Variants in CCDC180 observed in about 807,000 individuals in gnomAD.
CCDC180 encodes the protein coiled-coil domain containing 180.
Under a neutral mutation model 209.2 loss-of-function variants are expected in CCDC180, and 154 were observed. The ratio of observed to expected loss-of-function variants is 0.74; its 90% CI spans 0.65 to 0.84. CCDC180 has a LOEUF of 0.84. Among genes scored for constraint, CCDC180 ranks in the 40% least tolerant of loss-of-function variants. The pLI is 0.00. For missense variants in CCDC180, 1,874 were observed against 1,997.3 expected (o/e 0.94, Z 1.18); for synonymous variants, 778 against 749.1 (o/e 1.04, Z -0.63).
At chr9:97,307,517 C>T (rs1486681448), upstream of CCDC180, 2 of 608,404 alleles carry the variant, frequency 3.3e-6, no homozygotes, top group Non-Finnish European at 5.9e-6. Flanking sequence ...CTTCTCAGCA[C>T]ACAGTAGGCG....
At chr9:97,340,778 A>G (rs1826054292) in intron 18 of CCDC180, among the ~76,000 whole-genome samples, 1 of 152,304 alleles carries the variant, frequency 6.6e-6, no homozygotes, top group South Asian at 2.1e-4. Flanking sequence ...AACACCCGCT[A>G]CTTAGCAGAC....
intron 24 of CCDC180, among the ~76,000 whole-genome samples, chr9:97,357,240 G>C (rs1826609293): frequency 6.6e-6 from 1 of 151,084 alleles, no homozygotes; most frequent in African/African-American, 2.4e-5. Flanking sequence ...TGCACTGCTG[G>C]AGCAGAGCCT....
At chr9:97,350,622 C>T in intron 22 of CCDC180, 67 bp downstream of exon 22, 1 of 1,472,748 alleles carries the variant, frequency 6.8e-7, no homozygotes, top group East Asian at 2.5e-5. Context: ...GGTCTTGTTT[C>T]CCCCTTAATT....
chr9:97,314,859 C>G lies in CCDC180; in HGVS notation c.708C>G (p.Ser236Arg), dbSNP rs774570090. The stretch of plus-strand genomic sequence containing the variant: ...TGCCTTGTCATTTCTAGCTAAAAAG[C>G]GTGTTGAAGAAATATGCAGAAGTCA... ...LEFSRTDKLK[S>R]VLKKYAEVIE... The change falls in exon 8 of 37, where the codon AGC becomes AGG. Residue 236 changes from serine (S) to arginine (R), a missense_variant. By Grantham distance (110) the Ser-to-Arg change is moderately radical. Coordinates refer to ENST00000529487, the MANE Select transcript of CCDC180 (RefSeq NM_020893.6). 2 of 1,613,408 alleles carry G rather than the reference C, an allele frequency of 1.2e-6. No individual in the cohort carries two copies. Among genetic ancestry groups the G allele is most frequent in the Non-Finnish European group, 1.7e-6 (2 of 1,179,416 alleles).
Position 97,308,011 on chromosome 9 carries a change from A to G in CCDC180, c.-53A>G, listed in dbSNP as rs1268903169. ...TTGGAATTGAGACACCAAAGCCTAG[A>G]CGCGTTTCCTGGACGACGGCTTCCC... On this transcript the variant is annotated 5_prime_UTR_variant, in exon 2 of 37. Transcript: ENST00000529487. 8 of 1,609,076 alleles carry G rather than the reference A, an allele frequency of 5.0e-6. No homozygotes were observed. The highest frequency in any genetic ancestry group is 4.4e-5 in the South Asian group (4 of 90,088).
chr9:97,364,323 C>G (rs1826858520), intron 29 of CCDC180, 195 bp downstream of exon 29: 1 of 528,824 alleles, frequency 1.9e-6, no homozygotes, highest in Admixed American at 4.0e-5. Context: ...GAAACATTTT[C>G]ATCAACATTT....
chr9:97,363,948 C>A (rs1293794173), intron 28 of CCDC180, 103 bp from the exon 29 acceptor site: 2 of 1,111,430 alleles, frequency 1.8e-6, no homozygotes, highest in South Asian at 1.3e-5. Flanking sequence ...TGCCCACGGG[C>A]AGGCCCAATG....
intron 26 of CCDC180, 46 bp from the exon 27 acceptor site, chr9:97,361,680 C>T (rs376155582): frequency 1.9e-6 from 3 of 1,596,648 alleles, no homozygotes; most frequent in African/African-American, 1.3e-5. Flanking sequence ...CTCGCTGGCA[C>T]CTGGGCTGGT....
chr9:97,324,209 G>A (rs143551176), intron 13 of CCDC180, among the ~76,000 whole-genome samples: 12 of 152,240 alleles, frequency 7.9e-5, no homozygotes, highest in South Asian at 2.1e-4. Flanking sequence ...CCCAAGACAC[G>A]TGTTATCTTG....
In CCDC180 at chr9:97,350,530, A is replaced by G. The variant is rs115382011; in HGVS notation, c.2977A>G (p.Asn993Asp). The G allele has an allele frequency of 1.2e-3, 1,844 of 1,536,468 alleles. 19 individuals are homozygous for G. The African/African-American group carries it at 0.023, about 19-fold the overall frequency. Reference protein sequence around the residue: ...EESLGKLRYSNIEFIKHCRLF... With the variant: ...EESLGKLRYSDIEFIKHCRLF... ...GAGTCTGGGCAAACTCCGCTACTCA[A>G]ATATTGAGTTCATCAAACACTGCAG... Residue 993 changes from asparagine to aspartate, a missense_variant, in exon 22 of 37, where the codon AAT becomes GAT. Asn to Asp is a conservative substitution (Grantham distance 23). Transcript: ENST00000529487.
intron 22 of CCDC180, among the ~76,000 whole-genome samples, chr9:97,353,822 T>G (rs1826489496): frequency 6.6e-6 from 1 of 152,108 alleles, no homozygotes; most frequent in Non-Finnish European, 1.5e-5. Context: ...CTGGTGGGGT[T>G]CGTTTCTTCC....
At chr9:97,370,235 C>T (rs1253321977) in intron 32 of CCDC180, among the ~76,000 whole-genome samples, 153 bp downstream of exon 32, 2 of 151,964 alleles carry the variant, frequency 1.3e-5, no homozygotes, top group East Asian at 1.9e-4. Flanking sequence ...GAGCCATTGG[C>T]GAAATAAGAA....
upstream of CCDC180, chr9:97,307,587 C>T (rs543651359): frequency 5.7e-6 from 4 of 704,660 alleles, no homozygotes; most frequent in South Asian, 1.7e-5. Context: ...CCCTGTGTCC[C>T]ATGGAGGGTG....
intron 18 of CCDC180, among the ~76,000 whole-genome samples, chr9:97,339,392 G>A (rs536235582): frequency 3.9e-5 from 6 of 152,074 alleles, no homozygotes; most frequent in African/African-American, 1.4e-4. Flanking sequence ...GTCTGTAAAG[G>A]ATTTTATTTC....
rs1182221596 is a variant in CCDC180 at position 97,377,688 on chromosome 9, G to A, written c.*794G>A. The stretch of plus-strand genomic sequence containing the variant: ...GGTTTGCTCCACCCAGTGAGGCCCT[G>A]CTTGGTTAGCTTGGTTAGCTTGGTG... On this transcript the variant is annotated 3_prime_UTR_variant, in exon 37 of 37. Coordinates refer to ENST00000529487, the MANE Select transcript of CCDC180 (RefSeq NM_020893.6). 1.3e-5 allele frequency: 2 copies of A among 152,158 alleles called. No individual in the cohort carries two copies. Among genetic ancestry groups the A allele is most frequent in the Non-Finnish European group, 2.9e-5 (2 of 68,062 alleles). 9.4% of individuals were successfully genotyped at this position (152,158 alleles called of 1,614,324 possible). A position where few individuals can be genotyped will look rare whatever the true frequency, so the allele number is the denominator to read the frequency against.
intron 34 of CCDC180, chr9:97,374,319 C>T (rs573331570): frequency 1.1e-4 from 59 of 525,344 alleles, no homozygotes; most frequent in African/African-American, 1.0e-3. Context: ...ACAGCACCCA[C>T]ACCACCGCTT....
Position 97,343,565 on chromosome 9 carries a change from T to G in CCDC180, c.2498+2T>G. 6.3e-7 allele frequency: 1 copy of G among 1,597,142 alleles called. No individual in the cohort carries two copies. The highest frequency in any genetic ancestry group is 8.6e-7 in the Non-Finnish European group (1 of 1,165,360). On this transcript the variant is annotated splice_donor_variant, in intron 19 of 36. Transcript: ENST00000529487. LOFTEE classifies it high-confidence loss of function. ...ACTAATTTTAGAAATTAAGAAACAGTGAGTAAAAAACTATTTTATTCTCAT... is the reference window on the plus strand; with the variant it reads ...ACTAATTTTAGAAATTAAGAAACAGGGAGTAAAAAACTATTTTATTCTCAT...
rs773024901 is a variant in CCDC180 at position 97,370,036 on chromosome 9, T to C, written c.4304T>C (p.Ile1435Thr). 2 of 1,614,062 alleles carry C rather than the reference T, an allele frequency of 1.2e-6. No homozygotes were observed. The highest frequency in any genetic ancestry group is 1.1e-5 in the South Asian group (1 of 91,070). Reference protein sequence around the residue: ...WKKFFTSVKEIRGQFEEQQKR... With the variant: ...WKKFFTSVKETRGQFEEQQKR... ...AAGTTTTTCACCTCTGTGAAGGAGA[T>C]CCGAGGACAGTTCGAGGAACAGCAG... is the stretch of plus-strand genomic sequence containing the variant. Residue 1435 changes from isoleucine to threonine, a missense_variant, in exon 32 of 37, where the codon ATC (isoleucine) becomes ACC (threonine). Coordinates refer to ENST00000529487, the MANE Select transcript of CCDC180 (RefSeq NM_020893.6).
chr9:97,341,326 C>T (rs1262936968), intron 18 of CCDC180, among the ~76,000 whole-genome samples: 1 of 152,228 alleles, frequency 6.6e-6, no homozygotes, highest in Non-Finnish European at 1.5e-5. Context: ...ACACTCTCTC[C>T]TCTCCGCACA....
Sources: gnomAD v4.1 joint callset for allele counts (sites outside exome capture counted in the v4.1 genomes callset) on GRCh38, gnomAD v4.1.1 for gene constraint, MANE v1.5 for transcripts, NCBI Gene and HGNC (gene_info 2026-07-23, HGNC 2026-07-21) for gene names.